The following AURKC variants were observed in gnomAD, a reference collection of about 807,000 sequenced individuals.
The protein encoded by AURKC is ARK-3.
A neutral mutation model predicts 29.2 loss-of-function variants in AURKC; 15 were observed. The ratio of observed to expected loss-of-function variants is 0.51; its 90% CI spans 0.34 to 0.79. The LOEUF is 0.79. Ranked by LOEUF, AURKC falls within the 30% of genes least tolerant of loss-of-function variation. The pLI is 0.01. For synonymous variants in AURKC, 150 were observed against 149.9 expected, an observed-to-expected ratio of 1.00 and a Z score of -0.01; for missense variants, 332 against 383.2, an observed-to-expected ratio of 0.87 and a Z score of 1.12.
intron 2 of AURKC, 70 bp from the exon 3 acceptor site, chr19:57,231,963 T>C (rs2087496555): frequency 6.2e-7 from 1 of 1,605,170 alleles, no homozygotes. Context: ...AGGGGAGCAT[T>C]GGCATCCCTG....
intron 5 of AURKC, among the ~76,000 whole-genome samples, chr19:57,234,341 C>T (rs1024508121): frequency 1.3e-5 from 2 of 152,238 alleles, no homozygotes; most frequent in South Asian, 2.1e-4. Flanking sequence ...TAGGCATGAG[C>T]CACGATGCCT....
At chr19:57,231,833 C>G (rs1256373618) in intron 2 of AURKC, 46 bp downstream of exon 2, 4 of 1,613,828 alleles carry the variant, frequency 2.5e-6, no homozygotes, top group Non-Finnish European at 3.4e-6. Flanking sequence ...GAAGGTGGGA[C>G]GTGGGGATGA....
intron 5 of AURKC, among the ~76,000 whole-genome samples, chr19:57,233,811 A>G (rs2087518581): frequency 6.6e-6 from 1 of 151,580 alleles, no homozygotes; most frequent in Non-Finnish European, 1.5e-5. Flanking sequence ...GCAGGGGCAC[A>G]ATCTCGGCCT....
rs1443144490 is a variant in AURKC, at chr19:57,232,225, G to T, written c.296+1G>T. On this transcript the variant is annotated splice_donor_variant, in intron 3 of 6. Transcript: ENST00000302804. LOFTEE classifies it high-confidence loss of function. The surrounding 1 kb of genome is among the most constrained non-coding windows in gnomAD (Gnocchi z 4.5). ...AAATTGAGATCCAGGCTCATCTACA[G>T]TAAGGACAGTCTCTGCTTCCTCTTT... 6.2e-7 allele frequency: 1 copy of T among 1,613,772 alleles called. No individual in the cohort carries two copies. The highest frequency in any genetic ancestry group is 1.3e-5 in the African/African-American group (1 of 75,014).
At chr19:57,231,850 G>A in intron 2 of AURKC, 63 bp downstream of exon 2, 13 of 1,613,860 alleles carry the variant, frequency 8.1e-6, no homozygotes, top group Non-Finnish European at 1.1e-5. Context: ...ATGAAGAACA[G>A]ACTGGGTGTG....
intron 1 of AURKC, 107 bp from the exon 2 acceptor site, chr19:57,231,635 C>T: frequency 7.8e-7 from 1 of 1,278,464 alleles, no homozygotes. Flanking sequence ...TTCCCCTCAC[C>T]TCTCGCTCCC....
rs1212779545 is a variant in AURKC at position 57,232,214 on chromosome 19, G to A, written c.286G>A (p.Ala96Thr). The change falls in exon 3 of 7, where the codon GCT (alanine) becomes ACT (threonine). Residue 96 changes from alanine (A) to threonine (T), a missense_variant. Coordinates refer to ENST00000302804, the MANE Select transcript of AURKC (RefSeq NM_001015878.2). The surrounding 1 kb of genome is among the most constrained non-coding windows in gnomAD (Gnocchi z 4.5). The part of the protein sequence containing the change: ...HQLRREIEIQ[A>T]HLQHPNILRL... ...GCTGCGCCGGGAAATTGAGATCCAG[G>A]CTCATCTACAGTAAGGACAGTCTCT... 34 of 1,613,844 alleles carry A rather than the reference G, an allele frequency of 2.1e-5. No homozygotes were observed. The highest frequency in any genetic ancestry group is 2.9e-5 in the Non-Finnish European group (34 of 1,180,044).
chr19:57,231,211 G>T lies in AURKC; in HGVS notation c.-38G>T, dbSNP rs770401705. ...TGTGAACGGGAACAGCCATCCAGAG[G>T]GTTCAGGAAGGCGTCCGCGCCCTCA... On this transcript the variant is annotated 5_prime_UTR_variant, in exon 1 of 7. Transcript: ENST00000302804. The T allele has an allele frequency of 7.7e-5, 119 of 1,551,638 alleles. No individual in the cohort carries two copies. The highest frequency in any genetic ancestry group is 2.1e-4 in the South Asian group (18 of 84,062).
intron 6 of AURKC, 59 bp downstream of exon 6, chr19:57,235,117 G>A: frequency 6.2e-7 from 1 of 1,612,392 alleles, no homozygotes; most frequent in Non-Finnish European, 8.5e-7. Context: ...CTGCTGGGCT[G>A]TGGGCACACA....
rs1315055617 is a variant in AURKC at position 57,231,469 on chromosome 19, C to T, written c.58+163C>T. On this transcript the variant is annotated intron_variant, in intron 1 of 6. Coordinates refer to ENST00000302804, the MANE Select transcript of AURKC (RefSeq NM_001015878.2). Reference sequence around the variant, plus strand: ...CCTTCCCTCCAATTCTTTCTTTCACCTCTCCCTCCCCTACTCTCTCCTCCC... The same window carrying T: ...CCTTCCCTCCAATTCTTTCTTTCACTTCTCCCTCCCCTACTCTCTCCTCCC... 5 of 861,742 alleles carry T rather than the reference C, an allele frequency of 5.8e-6. No homozygotes were observed. The Admixed American group carries it at 8.2e-5, about 14-fold the overall frequency. The allele number at this position is 861,742 out of a possible 1,614,324, so 53.4% of individuals were successfully genotyped here.
rs771292818 is a variant in AURKC at position 57,231,071 on chromosome 19, C to T, written c.-178C>T. On this transcript the variant is annotated 5_prime_UTR_variant, in exon 1 of 7. Coordinates refer to ENST00000302804, the MANE Select transcript of AURKC (RefSeq NM_001015878.2). ...AGAAGGCCGCGCAGCCACGGCTGCTCACGACGCCGCGGATCCCGAAGCCTG... is the reference window on the plus strand; with the variant it reads ...AGAAGGCCGCGCAGCCACGGCTGCTTACGACGCCGCGGATCCCGAAGCCTG... The T allele has an allele frequency of 2.1e-6, 3 of 1,445,516 alleles. No individual in the cohort carries two copies. The highest frequency in any genetic ancestry group is 2.0e-5 in the Admixed American group (1 of 50,842). The allele number at this position is 1,445,516 out of a possible 1,614,324, so 89.5% of individuals were successfully genotyped here.
At chr19:57,234,070 T>C (rs2087521707) in intron 5 of AURKC, among the ~76,000 whole-genome samples, 1 of 149,338 alleles carries the variant, frequency 6.7e-6, no homozygotes, top group Non-Finnish European at 1.5e-5. Context: ...TTTTTTTTTT[T>C]TTTTGAGACA....
At position 57,231,109 on chromosome 19, in the gene AURKC, A is replaced by G. The variant is rs756014347; in HGVS notation, c.-140A>G. On this transcript the variant is annotated 5_prime_UTR_variant, in exon 1 of 7. Coordinates refer to ENST00000302804, the MANE Select transcript of AURKC (RefSeq NM_001015878.2). ...ATCCCGAAGCCTGTGTAGCAGTGAG[A>G]CATCAGTGAGGCTGCAGGACGAGCA... 1.3e-6 allele frequency: 2 copies of G among 1,528,788 alleles called. No individual in the cohort carries two copies. Among genetic ancestry groups the G allele is most frequent in the East Asian group, 2.5e-5 (1 of 40,816 alleles). The allele number at this position is 1,528,788 out of a possible 1,614,324, so 94.7% of individuals were successfully genotyped here. A position where few individuals can be genotyped will look rare whatever the true frequency, so the allele number is the denominator to read the frequency against.
At chr19:57,231,627 C>A in intron 1 of AURKC, 115 bp from the exon 2 acceptor site, 1 of 1,079,896 alleles carries the variant, frequency 9.3e-7, no homozygotes, top group South Asian at 1.3e-5. Flanking sequence ...TCCCCTTCTT[C>A]CCCTCACCTC....
rs747446995 is a variant in AURKC, at chr19:57,233,628, T to G, written c.584+20T>G. ...CCTGAGGTAGGTCAGGTGGTGGTGG[T>G]AGGGTGAGTTCTGAGTACCAGTTAG... is the stretch of plus-strand genomic sequence containing the variant. On this transcript the variant is annotated intron_variant, in intron 5 of 6. Coordinates refer to ENST00000302804, the MANE Select transcript of AURKC (RefSeq NM_001015878.2). 3.1e-6 allele frequency: 5 copies of G among 1,613,166 alleles called. No homozygotes were observed. In the South Asian group the frequency reaches 5.5e-5, roughly 18 times the overall value.
intron 6 of AURKC, 55 bp downstream of exon 6, chr19:57,235,113 G>A: frequency 1.9e-6 from 3 of 1,612,666 alleles, no homozygotes; most frequent in South Asian, 1.1e-5. Flanking sequence ...ATGGCTGCTG[G>A]GCTGTGGGCA....
chr19:57,233,672 T>C (rs2087517052), intron 5 of AURKC, 64 bp downstream of exon 5: 6 of 1,606,404 alleles, frequency 3.7e-6, no homozygotes, highest in Non-Finnish European at 5.1e-6. Flanking sequence ...CAGTTTAATG[T>C]ATTTCATGTG....
At position 57,232,437 on chromosome 19, in the gene AURKC, T is replaced by C. The variant is rs1470125658; in HGVS notation, c.297-105T>C. ...TTGCTCCCAGATAGGGCTGTTGTTATTCTGGTCCCAGCATAATTTGCCACT... is the reference window on the plus strand; with the variant it reads ...TTGCTCCCAGATAGGGCTGTTGTTACTCTGGTCCCAGCATAATTTGCCACT... On this transcript the variant is annotated intron_variant, in intron 3 of 6. Transcript: ENST00000302804. This position sits in a 1 kb window ranked among gnomAD's most constrained non-coding sequence, Gnocchi z 4.5. 2 of 1,566,112 alleles carry C rather than the reference T, an allele frequency of 1.3e-6. No individual in the cohort carries two copies. Among genetic ancestry groups the C allele is most frequent in the African/African-American group, 2.7e-5 (2 of 74,018 alleles).
chr19:57,235,209 T>C, intron 6 of AURKC, 38 bp from the exon 7 acceptor site: 1 of 1,613,450 alleles, frequency 6.2e-7, no homozygotes, highest in Non-Finnish European at 8.5e-7. Flanking sequence ...TCAAAGAAAT[T>C]AACCAGACTT....
Sources: gnomAD v4.1 joint callset for allele counts (sites outside exome capture counted in the v4.1 genomes callset) on GRCh38, gnomAD v4.1.1 for gene constraint, Gnocchi (gnomAD v3.1) non-coding constraint, MANE v1.5 for transcripts, NCBI Gene and HGNC (gene_info 2026-07-23, HGNC 2026-07-21) for gene names.